The following PLCL1 variants were observed in gnomAD, a reference collection of about 807,000 sequenced individuals.
The protein encoded by PLCL1 is inactive phospholipase C-like protein 1.
A neutral mutation model predicts 84.4 loss-of-function variants in PLCL1; 41 were observed. The ratio of observed to expected loss-of-function variants is 0.49; its 90% CI spans 0.38 to 0.63. PLCL1 has a LOEUF of 0.63. Among genes scored for constraint, PLCL1 ranks in the 30% least tolerant of loss-of-function variants. The pLI is 0.00. For missense variants in PLCL1, 1,206 were observed against 1,367.8 expected, an observed-to-expected ratio of 0.88 and a Z score of 1.87; for synonymous variants, 490 against 488.3, an observed-to-expected ratio of 1.00 and a Z score of -0.05.
intron 5 of PLCL1, among the ~76,000 whole-genome samples, chr2:198,109,136 CA>C (rs1460195191): frequency 1.3e-5 from 2 of 151,804 alleles, no homozygotes; most frequent in African/African-American, 4.8e-5. Context: ...TTATTTCTCA[CA>C]GTTCTTGGGG....
At chr2:197,906,946 G>A (rs1217299224) in intron 1 of PLCL1, among the ~76,000 whole-genome samples, 1 of 152,170 alleles carries the variant, frequency 6.6e-6, no homozygotes, top group African/African-American at 2.4e-5. Context: ...TTGCTTATCA[G>A]CTGAAGGAGT....
intron 1 of PLCL1, chr2:198,001,955 G>C (rs1470104741): frequency 2.3e-6 from 1 of 436,272 alleles, no homozygotes; most frequent in Non-Finnish European, 4.6e-6. Flanking sequence ...CCCCCAGATG[G>C]GACTGTGTAG....
chr2:197,820,704 T>C (rs1036469268), intron 1 of PLCL1, among the ~76,000 whole-genome samples: 1 of 152,176 alleles, frequency 6.6e-6, no homozygotes, highest in Admixed American at 6.6e-5. Flanking sequence ...AGATATTAGA[T>C]ATTTATTTAC....
At chr2:197,845,761 T>C (rs184784400) in intron 1 of PLCL1, among the ~76,000 whole-genome samples, 3 of 152,278 alleles carry the variant, frequency 2.0e-5, no homozygotes, top group African/African-American at 7.2e-5. Flanking sequence ...ATAGTATATA[T>C]TGTAGAGAAA....
intron 1 of PLCL1, among the ~76,000 whole-genome samples, chr2:197,852,236 G>C (rs1030674926): frequency 2.0e-5 from 3 of 152,164 alleles, no homozygotes; most frequent in Admixed American, 6.5e-5. Context: ...GTGGTAGGGT[G>C]GGGGAGGGAG....
In PLCL1 at chr2:197,804,942, T is replaced by TGCC. The variant is rs3056066; in HGVS notation, c.-136_-134dup. 2,957 of 731,516 alleles carry TGCC rather than the reference T, an allele frequency of 4.0e-3. 55 individuals are homozygous for TGCC. The African/African-American group carries it at 0.046, about 11-fold the overall frequency. The allele number at this position is 731,516 out of a possible 1,614,324, so 45.3% of individuals were successfully genotyped here. A position where few individuals can be genotyped will look rare whatever the true frequency, so the allele number is the denominator to read the frequency against. ...GAGCGATGTCCCCTCTCCAGAAAGT[T>TGCC]GCCGCCGCCGCCGCCGCCGCCGCCA... On this transcript the variant is annotated 5_prime_UTR_variant, in exon 1 of 6. Coordinates refer to ENST00000428675, the MANE Select transcript of PLCL1 (RefSeq NM_006226.4).
intron 1 of PLCL1, among the ~76,000 whole-genome samples, chr2:197,970,748 T>G (rs941815390): frequency 6.6e-6 from 1 of 152,238 alleles, no homozygotes; most frequent in African/African-American, 2.4e-5. Context: ...TTTACCTTTT[T>G]TTCCCCCACA....
At chr2:198,089,139 C>A in intron 3 of PLCL1, 78 bp downstream of exon 3, 2 of 1,013,772 alleles carry the variant, frequency 2.0e-6, no homozygotes, top group Non-Finnish European at 3.1e-6. Flanking sequence ...CTCTGTGGAA[C>A]TCCAATGAAT....
At chr2:197,951,365 G>C (rs1173538769) in intron 1 of PLCL1, among the ~76,000 whole-genome samples, 1 of 152,088 alleles carries the variant, frequency 6.6e-6, no homozygotes, top group Non-Finnish European at 1.5e-5. Context: ...CTCTTTCCCT[G>C]CTTCCATTTG....
chr2:197,971,396 G>A (rs1689860901), intron 1 of PLCL1, among the ~76,000 whole-genome samples: 1 of 152,160 alleles, frequency 6.6e-6, no homozygotes, highest in Non-Finnish European at 1.5e-5. Flanking sequence ...TAAAGGGTGG[G>A]GGAAACACAA....
chr2:198,084,849 C>T lies in PLCL1; in HGVS notation c.1332C>T (p.Leu444=). Residue 444 remains leucine (L), a synonymous_variant, in exon 2 of 6, where the codon CTC becomes CTT. Coordinates refer to ENST00000428675, the MANE Select transcript of PLCL1 (RefSeq NM_006226.4). The stretch of plus-strand genomic sequence containing the variant: ...AAATGGGCTGTCGAAGCGTTGAACT[C>T]GATGTAAGTGATGGTTCAGATAATG... ...ALKMGCRSVE[L]DVSDGSDNEP... is the part of the protein sequence containing the mutation. The T allele has an allele frequency of 6.2e-7, 1 of 1,613,884 alleles. No individual in the cohort carries two copies. The highest frequency in any genetic ancestry group is 8.5e-7 in the Non-Finnish European group (1 of 1,179,902).
chr2:197,932,269 G>A (rs1688950620), intron 1 of PLCL1, among the ~76,000 whole-genome samples: 1 of 152,138 alleles, frequency 6.6e-6, no homozygotes, highest in Non-Finnish European at 1.5e-5. Flanking sequence ...TGATGGTTTA[G>A]GAATTGCTGT....
intron 1 of PLCL1, among the ~76,000 whole-genome samples, chr2:197,846,329 C>T (rs1687120215): frequency 6.6e-6 from 1 of 152,026 alleles, no homozygotes; most frequent in African/African-American, 2.4e-5. Context: ...ATATAGAGAT[C>T]ATTATAATCG....
chr2:197,983,359 A>AGCTGGGACC (rs1373570328), intron 1 of PLCL1, among the ~76,000 whole-genome samples: 2 of 151,206 alleles, frequency 1.3e-5, no homozygotes, highest in Non-Finnish European at 2.9e-5. Flanking sequence ...CCTCCTGAGT[A>AGCTGGGACC]GCTGGGACCA....
At chr2:198,018,476 A>G (rs904991614) in intron 1 of PLCL1, among the ~76,000 whole-genome samples, 1 of 152,194 alleles carries the variant, frequency 6.6e-6, no homozygotes, top group African/African-American at 2.4e-5. Flanking sequence ...GCTGAGATCC[A>G]CTGGCTTGAA....
intron 1 of PLCL1, chr2:198,001,877 T>A: frequency 3.0e-6 from 1 of 328,178 alleles, no homozygotes; most frequent in Non-Finnish European, 6.1e-6. Flanking sequence ...ACTGTGCGTG[T>A]GAGGGATCTA....
At chr2:197,973,677 G>A (rs1054626656) in intron 1 of PLCL1, among the ~76,000 whole-genome samples, 4 of 152,124 alleles carry the variant, frequency 2.6e-5, no homozygotes, top group African/African-American at 9.7e-5. Context: ...ACATGTTCAG[G>A]GAAAAGGAAG....
intron 1 of PLCL1, among the ~76,000 whole-genome samples, chr2:197,976,713 C>T (rs1247041033): frequency 6.6e-6 from 1 of 152,192 alleles, no homozygotes; most frequent in Non-Finnish European, 1.5e-5. Flanking sequence ...TCCCAAAGTG[C>T]TGGGATTACA....
At chr2:197,852,207 C>T (rs903247482) in intron 1 of PLCL1, among the ~76,000 whole-genome samples, 3 of 152,040 alleles carry the variant, frequency 2.0e-5, no homozygotes, top group Non-Finnish European at 2.9e-5. Context: ...CCTGGCACCT[C>T]CTGTTGCACA....
Sources: gnomAD v4.1 joint callset for allele counts (sites outside exome capture counted in the v4.1 genomes callset) on GRCh38, gnomAD v4.1.1 for gene constraint, MANE v1.5 for transcripts, NCBI Gene and HGNC (gene_info 2026-07-23, HGNC 2026-07-21) for gene names.